The following RIMS1 variants were observed in gnomAD, a reference collection of about 807,000 sequenced individuals.
RIMS1 encodes regulating synaptic membrane exocytosis 1.
In RIMS1, 83 loss-of-function variants were observed where a neutral mutation model predicts 214.1. The observed-to-expected ratio is 0.39, with a 90% confidence interval of 0.32 to 0.47. The LOEUF (loss-of-function observed/expected upper bound fraction) is 0.47, where lower values mean the gene tolerates loss of function less well. Among genes scored for constraint, RIMS1 ranks in the 20% least tolerant of loss-of-function variants. The probability of loss-of-function intolerance (pLI) is 0.99; values close to 1 mark genes in which losing one functional copy is unlikely to be tolerated. For synonymous variants in RIMS1, 793 were observed against 786.8 expected, an observed-to-expected ratio of 1.01 and a Z score of -0.13; for missense variants, 2,050 against 2,161.8, an observed-to-expected ratio of 0.95 and a Z score of 1.03.
chr6:71,925,732 T>C (rs1781386619), intron 1 of RIMS1, among the ~76,000 whole-genome samples: 1 of 152,166 alleles, frequency 6.6e-6, no homozygotes, highest in Non-Finnish European at 1.5e-5. Context: ...AGAATCTAAT[T>C]TGAATAAAGA....
At chr6:72,171,239 A>C (rs1357806233) in intron 4 of RIMS1, among the ~76,000 whole-genome samples, 2 of 151,794 alleles carry the variant, frequency 1.3e-5, no homozygotes, top group Non-Finnish European at 2.9e-5. Flanking sequence ...AAACTTTAAA[A>C]TGTAGAAACT....
chr6:72,109,123 C>A (rs1443854174), intron 4 of RIMS1, among the ~76,000 whole-genome samples: 1 of 151,972 alleles, frequency 6.6e-6, no homozygotes, highest in Non-Finnish European at 1.5e-5. Context: ...GGGTTGGTTC[C>A]AAGTCTTTGC....
At chr6:72,254,134 G>A (rs1488976600) in intron 16 of RIMS1, among the ~76,000 whole-genome samples, 1 of 152,124 alleles carries the variant, frequency 6.6e-6, no homozygotes, top group African/African-American at 2.4e-5. Context: ...AAAGTGCTGG[G>A]ATTACAGGTG....
At chr6:72,125,495 A>T (rs2039324482) in intron 4 of RIMS1, among the ~76,000 whole-genome samples, 1 of 152,214 alleles carries the variant, frequency 6.6e-6, no homozygotes, top group African/African-American at 2.4e-5. Flanking sequence ...ACTCCATGCT[A>T]GGAGATCCAC....
At chr6:72,186,003 T>C (rs1050157345) in intron 6 of RIMS1, among the ~76,000 whole-genome samples, 17 of 152,240 alleles carry the variant, frequency 1.1e-4, no homozygotes, top group Non-Finnish European at 1.9e-4. Flanking sequence ...TTAATAACTT[T>C]TCTTTTCTAT....
intron 4 of RIMS1, among the ~76,000 whole-genome samples, chr6:72,165,999 C>A (rs779825826): frequency 1.3e-5 from 2 of 152,114 alleles, no homozygotes; most frequent in South Asian, 4.1e-4. Context: ...GTTTCCATAA[C>A]AAAATACCAT....
intron 29 of RIMS1, among the ~76,000 whole-genome samples, chr6:72,356,907 G>A (rs2097665821): frequency 6.6e-6 from 1 of 151,940 alleles, no homozygotes; most frequent in Non-Finnish European, 1.5e-5. Flanking sequence ...TTATCTTTGA[G>A]CTTCAAATAT....
In RIMS1 at chr6:72,398,493, T is replaced by C. The variant is rs1452957429; in HGVS notation, c.4720+143T>C. 8 of 558,970 alleles carry C rather than the reference T, an allele frequency of 1.4e-5. No individual in the cohort carries two copies. The South Asian group carries it at 1.6e-4, about 11-fold the overall frequency. The allele number at this position is 558,970 out of a possible 1,614,324, so 34.6% of individuals were successfully genotyped here. On this transcript the variant is annotated intron_variant, in intron 32 of 33. Coordinates refer to ENST00000521978, the MANE Select transcript of RIMS1 (RefSeq NM_014989.7). ...AGCAGTGTTTCTGTGTTCTTTGATG[T>C]TATTAAAACGGATTTGGGTTTTCCT...
chr6:71,924,236 C>CA (rs1780883502), intron 1 of RIMS1, among the ~76,000 whole-genome samples: 1 of 152,110 alleles, frequency 6.6e-6, no homozygotes, highest in Non-Finnish European at 1.5e-5. Context: ...CAGCTCTCTA[C>CA]AAAACGTTTG....
At chr6:72,101,723 A>T (rs1399846345) in intron 4 of RIMS1, among the ~76,000 whole-genome samples, 1 of 151,906 alleles carries the variant, frequency 6.6e-6, no homozygotes, top group African/African-American at 2.4e-5. Flanking sequence ...AAAATAAAGG[A>T]GTATGTGATA....
chr6:71,932,075 C>T (rs12194949), intron 1 of RIMS1, among the ~76,000 whole-genome samples: 38,251 of 151,866 alleles, frequency 0.25, 5,897 homozygotes, highest in African/African-American at 0.43. Context: ...GTGGCAATTC[C>T]TCAAAGACCT....
chr6:72,330,514 G>A (rs749458347), intron 28 of RIMS1, among the ~76,000 whole-genome samples: 2 of 151,682 alleles, frequency 1.3e-5, no homozygotes, highest in Non-Finnish European at 2.9e-5. Flanking sequence ...GGCTGTAGCA[G>A]TTTTAGTGGT....
At chr6:72,196,349 C>CTCCGTCTG (rs769963255) in intron 6 of RIMS1, among the ~76,000 whole-genome samples, 3 of 134,324 alleles carry the variant, frequency 2.2e-5, no homozygotes, top group Non-Finnish European at 4.9e-5. Flanking sequence ...TGGCTATTTC[C>CTCCGTCTG]TCTGTCTGTC....
intron 4 of RIMS1, among the ~76,000 whole-genome samples, chr6:72,167,960 CTTT>C (rs1176881735): frequency 6.7e-6 from 1 of 149,250 alleles, no homozygotes; most frequent in Non-Finnish European, 1.5e-5. Flanking sequence ...TTATTTTCTT[CTTT>C]ATGTGATTTT....
intron 6 of RIMS1, among the ~76,000 whole-genome samples, chr6:72,203,655 AAAAAT>A (rs1332832333): frequency 2.0e-5 from 3 of 152,202 alleles, no homozygotes; most frequent in African/African-American, 4.8e-5. Context: ...AGGAGCATTT[AAAAAT>A]ATGTGCTGGA....
intron 7 of RIMS1, among the ~76,000 whole-genome samples, chr6:72,234,972 T>C (rs1047606267): frequency 1.3e-5 from 2 of 152,078 alleles, no homozygotes; most frequent in Admixed American, 1.3e-4. Flanking sequence ...ATCAATTCCT[T>C]AGGATTTTAA....
intron 1 of RIMS1, among the ~76,000 whole-genome samples, chr6:71,912,324 C>G (rs551755785): frequency 1.5e-4 from 23 of 152,136 alleles, no homozygotes; most frequent in African/African-American, 5.5e-4. Flanking sequence ...CTCTGATACC[C>G]AAATTAATTA....
At chr6:71,927,346 A>G (rs1781848190) in intron 1 of RIMS1, among the ~76,000 whole-genome samples, 2 of 152,290 alleles carry the variant, frequency 1.3e-5, no homozygotes, top group South Asian at 4.1e-4. Flanking sequence ...AATTTTGTGC[A>G]ATGGTTTGTA....
chr6:72,321,486 G>A (rs1230697844), intron 28 of RIMS1, among the ~76,000 whole-genome samples: 1 of 152,082 alleles, frequency 6.6e-6, no homozygotes, highest in Admixed American at 6.6e-5. Flanking sequence ...ATTAGAACAA[G>A]TATGAAAACA....
Sources: gnomAD v4.1 joint callset for allele counts (sites outside exome capture counted in the v4.1 genomes callset) on GRCh38, gnomAD v4.1.1 for gene constraint, MANE v1.5 for transcripts, NCBI Gene and HGNC (gene_info 2026-07-23, HGNC 2026-07-21) for gene names.